Variants in SEM1 observed in about 807,000 individuals in gnomAD.
The protein encoded by SEM1 is SEM1 26S proteasome subunit.
Under a neutral mutation model 12.7 loss-of-function variants are expected in SEM1, and 3 were observed. That is an observed-to-expected ratio of 0.24 (90% CI 0.11 to 0.61). The LOEUF is 0.61. Among genes scored for constraint, SEM1 ranks in the 20% least tolerant of loss-of-function variants. SEM1 has a pLI of 0.88. For missense variants in SEM1, 59 were observed against 81.3 expected (o/e 0.73, Z 1.06); for synonymous variants, 30 against 27.8 (o/e 1.08, Z -0.25).
intron 2 of SEM1, among the ~76,000 whole-genome samples, chr7:96,533,866 T>C (rs146372985): frequency 6.6e-6 from 1 of 152,168 alleles, no homozygotes; most frequent in East Asian, 1.9e-4. Context: ...CCAAACTGTG[T>C]AGTAGTCCTA....
chr7:96,628,316 T>TTA (rs1183151710), intron 2 of SEM1, among the ~76,000 whole-genome samples: 1 of 152,154 alleles, frequency 6.6e-6, no homozygotes. Context: ...CTTCTCTTCC[T>TTA]TTTTAATTTT....
At chr7:96,521,202 C>G (rs1331052715) in intron 2 of SEM1, among the ~76,000 whole-genome samples, 1 of 152,080 alleles carries the variant, frequency 6.6e-6, no homozygotes, top group Non-Finnish European at 1.5e-5. Flanking sequence ...TCAGTCAGAC[C>G]ACTCAGAACA....
At chr7:96,531,323 C>G (rs1295675301) in intron 2 of SEM1, among the ~76,000 whole-genome samples, 1 of 151,638 alleles carries the variant, frequency 6.6e-6, no homozygotes, top group Non-Finnish European at 1.5e-5. Context: ...AATCCCAGCA[C>G]TTTCGGAAGC....
At chr7:96,503,725 T>C (rs1158169662) in intron 3 of SEM1, among the ~76,000 whole-genome samples, 1 of 152,110 alleles carries the variant, frequency 6.6e-6, no homozygotes, top group East Asian at 1.9e-4. Context: ...CCAATAGATA[T>C]TCTGAACAGA....
intron 2 of SEM1, among the ~76,000 whole-genome samples, chr7:96,599,971 C>T (rs902799301): frequency 6.6e-6 from 1 of 152,116 alleles, no homozygotes; most frequent in African/African-American, 2.4e-5. Context: ...TGGGAATTTC[C>T]AGGTCACACA....
At chr7:96,530,712 T>C (rs892368583) in intron 2 of SEM1, among the ~76,000 whole-genome samples, 1 of 152,060 alleles carries the variant, frequency 6.6e-6, no homozygotes, top group African/African-American at 2.4e-5. Flanking sequence ...CCACCAGAAC[T>C]CCTGATGGAG....
chr7:96,618,063 C>T (rs551865039), downstream of SEM1, among the ~76,000 whole-genome samples: 97 of 152,236 alleles, frequency 6.4e-4, 1 homozygote, highest in South Asian at 0.02. Context: ...AAAGAGTTCC[C>T]CCCTCCTCAT....
chr7:96,688,643 TA>T (rs890881001), downstream of SEM1: 8,330 of 190,060 alleles, frequency 0.044, no homozygotes, highest in Middle Eastern at 0.069. Flanking sequence ...CAGTTAACAT[TA>T]AAAAAAAAAA....
intron 2 of SEM1, chr7:96,622,728 A>G (rs1382540312): frequency 4.2e-6 from 3 of 713,790 alleles, no homozygotes; most frequent in Non-Finnish European, 7.7e-6. Flanking sequence ...GATCAGTGGA[A>G]AAGCCATGTA....
intron 2 of SEM1, among the ~76,000 whole-genome samples, chr7:96,651,410 A>G (rs1325066719): frequency 7.1e-6 from 1 of 140,490 alleles, no homozygotes; most frequent in Non-Finnish European, 1.5e-5. Flanking sequence ...AATTCACGTT[A>G]GGTAGACTCA....
intron 2 of SEM1, among the ~76,000 whole-genome samples, chr7:96,530,214 T>C (rs964704666): frequency 2.0e-4 from 30 of 151,998 alleles, no homozygotes; most frequent in Non-Finnish European, 1.0e-4. Context: ...TGGGTGGCAA[T>C]TGACAGCTGG....
At chr7:96,589,019 G>A (rs970740813) in intron 2 of SEM1, among the ~76,000 whole-genome samples, 2 of 152,206 alleles carry the variant, frequency 1.3e-5, no homozygotes, top group African/African-American at 4.8e-5. Flanking sequence ...TAATGATCAT[G>A]AACCATAAAA....
At chr7:96,552,188 T>A (rs1418395968) in intron 2 of SEM1, among the ~76,000 whole-genome samples, 1 of 75,330 alleles carries the variant, frequency 1.3e-5, no homozygotes, top group East Asian at 5.4e-4. Context: ...CCTACAGGAG[T>A]TTCTCTCTTT....
intron 2 of SEM1, among the ~76,000 whole-genome samples, chr7:96,657,578 A>C (rs1285898815): frequency 6.6e-6 from 1 of 152,178 alleles, no homozygotes; most frequent in African/African-American, 2.4e-5. Flanking sequence ...AACAGAAGGA[A>C]TTGCAAATTC....
chr7:96,702,788 G>A (rs1790309442), intron 1 of SEM1, among the ~76,000 whole-genome samples: 1 of 152,240 alleles, frequency 6.6e-6, no homozygotes, highest in Admixed American at 6.5e-5. Flanking sequence ...CCCCAGTAAT[G>A]GAACAAATGA....
At chr7:96,547,877 T>C (rs1334021053) in intron 2 of SEM1, among the ~76,000 whole-genome samples, 2 of 152,116 alleles carry the variant, frequency 1.3e-5, no homozygotes, top group Non-Finnish European at 2.9e-5. Context: ...ACAAATTAAG[T>C]TGCCCCTTGT....
intron 2 of SEM1, among the ~76,000 whole-genome samples, chr7:96,539,069 C>T (rs373313890): frequency 6.6e-5 from 10 of 151,788 alleles, no homozygotes; most frequent in African/African-American, 2.4e-4. Context: ...AACAAGCTAG[C>T]ATGTTCAAGG....
At chr7:96,518,312 A>G (rs937425468) in intron 2 of SEM1, among the ~76,000 whole-genome samples, 2 of 152,196 alleles carry the variant, frequency 1.3e-5, no homozygotes, top group Non-Finnish European at 2.9e-5. Flanking sequence ...TAATCAGCCT[A>G]TATAATAAAC....
rs759021568 is a variant in SEM1 at position 96,505,742 on chromosome 7, G to T, written c.*60+881C>A. ...AGAAAAGGAGAGGAGTCTTTCTGTG[G>T]TCTCTTATAAGGGCACTAATCCAAA... is the stretch of plus-strand genomic sequence containing the variant. On this transcript the variant is annotated intron_variant and NMD_transcript_variant, in intron 3 of 3. Coordinates refer to the SEM1 transcript ENST00000466986. Among the ~76,000 whole-genome samples, 4 of 152,024 alleles carry T rather than the reference G, an allele frequency of 2.6e-5. No individual in the cohort carries two copies. In the East Asian group the frequency reaches 5.8e-4, roughly 22 times the overall value.
Sources: allele counts gnomAD v4.1 joint callset (sites outside exome capture counted in the v4.1 genomes callset), GRCh38; gene constraint gnomAD v4.1.1; transcripts MANE v1.5; gene names NCBI Gene and HGNC (gene_info 2026-07-23, HGNC 2026-07-21).